The following ARL15 variants were observed in gnomAD, a reference collection of about 807,000 sequenced individuals.
ARL15 encodes ADP-ribosylation factor-like protein 15.
ARL15 carries 19 observed loss-of-function variants against 25.2 expected under a neutral mutation model. The ratio of observed to expected loss-of-function variants is 0.75; its 90% CI spans 0.53 to 1.10. The LOEUF is 1.10. ARL15 is among the 50% of genes least tolerant of loss of function. The pLI, the probability that ARL15 is intolerant of heterozygous loss-of-function variation, is 0.00. For missense variants in ARL15, 220 were observed against 246.0 expected (o/e 0.89, Z 0.71); for synonymous variants, 94 against 86.8 (o/e 1.08, Z -0.46).
chr5:54,069,984 T>TTA (rs1239362561), intron 4 of ARL15, among the ~76,000 whole-genome samples: 1 of 149,294 alleles, frequency 6.7e-6, no homozygotes, highest in African/African-American at 2.4e-5. Context: ...TGGAGGGCTT[T>TTA]TAAGAGGTGT....
At chr5:54,310,363 C>G (rs564723545) in intron 1 of ARL15, 69 bp downstream of exon 1, 1 of 1,535,144 alleles carries the variant, frequency 6.5e-7, no homozygotes, top group South Asian at 1.2e-5. Flanking sequence ...AAGGCTGCTC[C>G]TCAAGGCAGG....
At chr5:54,070,641 C>T (rs892737053) in intron 4 of ARL15, among the ~76,000 whole-genome samples, 3 of 151,748 alleles carry the variant, frequency 2.0e-5, no homozygotes, top group Non-Finnish European at 4.4e-5. Context: ...AGGAGATCAA[C>T]ACCAGCCTGG....
chr5:53,987,475 C>CA (rs1454013393), intron 4 of ARL15, among the ~76,000 whole-genome samples: 1 of 144,220 alleles, frequency 6.9e-6, no homozygotes, highest in African/African-American at 2.5e-5. Context: ...ACCCCTTTCA[C>CA]TTTTTTTTTT....
chr5:53,942,013 G>A (rs538430864), intron 4 of ARL15, among the ~76,000 whole-genome samples: 21 of 152,224 alleles, frequency 1.4e-4, no homozygotes, highest in African/African-American at 4.6e-4. Context: ...AGTATGGGGC[G>A]GGCAGGGGCA....
At chr5:54,160,680 T>C (rs1046921329) in intron 2 of ARL15, among the ~76,000 whole-genome samples, 10 of 152,196 alleles carry the variant, frequency 6.6e-5, no homozygotes, top group African/African-American at 1.9e-4. Context: ...TCTTGGCTCT[T>C]TGAGTTTTGA....
chr5:54,214,283 G>C (rs1254529751), intron 1 of ARL15, among the ~76,000 whole-genome samples: 2 of 152,178 alleles, frequency 1.3e-5, no homozygotes, highest in African/African-American at 4.8e-5. Flanking sequence ...TATCTTTCCA[G>C]TAAAAATTCT....
At chr5:54,029,058 G>T (rs550512385) in intron 4 of ARL15, among the ~76,000 whole-genome samples, 9 of 151,946 alleles carry the variant, frequency 5.9e-5, no homozygotes, top group African/African-American at 2.2e-4. Context: ...AGAATTCATG[G>T]TGTAATTGAG....
intron 1 of ARL15, among the ~76,000 whole-genome samples, chr5:54,178,426 A>G (rs25860): frequency 0.65 from 98,830 of 152,048 alleles, 32,567 homozygotes; most frequent in East Asian, 0.99. Context: ...TGGTCTCGCC[A>G]GACAGAAACA....
At chr5:54,197,394 T>C (rs1323273386) in intron 1 of ARL15, among the ~76,000 whole-genome samples, 1 of 152,184 alleles carries the variant, frequency 6.6e-6, no homozygotes, top group African/African-American at 2.4e-5. Flanking sequence ...GGGAGGGGGA[T>C]GCCCCTACTT....
chr5:53,912,100 T>C (rs1745482989), intron 4 of ARL15: 1 of 152,212 alleles, frequency 6.6e-6, no homozygotes, highest in Middle Eastern at 3.4e-3. Context: ...CCAATTTTAG[T>C]ATATGTGTTG....
chr5:54,062,556 ACT>A (rs1220172132), intron 4 of ARL15, among the ~76,000 whole-genome samples: 2 of 150,768 alleles, frequency 1.3e-5, no homozygotes, highest in Admixed American at 6.6e-5. Flanking sequence ...CCTTGCACAA[ACT>A]CTCTTTTTGC....
chr5:54,282,685 A>G (rs939238808), intron 1 of ARL15: 2 of 489,132 alleles, frequency 4.1e-6, no homozygotes, highest in African/African-American at 4.2e-5. Context: ...TAGCTTTTTA[A>G]GCATTCTTTT....
intron 1 of ARL15, among the ~76,000 whole-genome samples, chr5:54,227,449 G>A (rs140438891): frequency 7.9e-5 from 12 of 152,240 alleles, no homozygotes; most frequent in African/African-American, 2.4e-4. Context: ...TACTATGAGC[G>A]GCTTTTTATC....
At chr5:54,149,540 T>C (rs2112334747) in intron 3 of ARL15, among the ~76,000 whole-genome samples, 1 of 152,310 alleles carries the variant, frequency 6.6e-6, no homozygotes, top group Admixed American at 6.5e-5. Context: ...TAATGTGAGC[T>C]ATAGGCCAAG....
At chr5:54,283,796 C>A (rs1271561609) in intron 1 of ARL15, among the ~76,000 whole-genome samples, 1 of 152,188 alleles carries the variant, frequency 6.6e-6, no homozygotes, top group Non-Finnish European at 1.5e-5. Flanking sequence ...AAAAGATTTA[C>A]CAGCCTTTCT....
chr5:54,272,551 A>C (rs1471453702), intron 1 of ARL15, among the ~76,000 whole-genome samples: 1 of 152,138 alleles, frequency 6.6e-6, no homozygotes, highest in African/African-American at 2.4e-5. Flanking sequence ...GCAAAATTCA[A>C]AGTATTTTAA....
In ARL15 at chr5:54,264,351, T is replaced by C. The variant is rs1268348712; in HGVS notation, c.48+46081A>G. On this transcript the variant is annotated intron_variant, in intron 1 of 4. Transcript: ENST00000504924. ...CCCTTATCACACTGTTCAAACCAAA[T>C]TCATCTCTACAATGACTATAATACT... Among the ~76,000 whole-genome samples the C allele has an allele frequency of 3.3e-5, 5 of 152,192 alleles. No individual in the cohort carries two copies. In the East Asian group the frequency reaches 9.6e-4, roughly 29 times the overall value.
At chr5:54,227,157 A>T (rs933110142) in intron 1 of ARL15, among the ~76,000 whole-genome samples, 1 of 152,224 alleles carries the variant, frequency 6.6e-6, no homozygotes, top group African/African-American at 2.4e-5. Flanking sequence ...TTCAAACAAG[A>T]TGGCAAAGTA....
intron 4 of ARL15, among the ~76,000 whole-genome samples, chr5:54,110,490 G>A (rs889765592): frequency 6.6e-6 from 1 of 151,976 alleles, no homozygotes; most frequent in African/African-American, 2.4e-5. Context: ...CTGAATCAAA[G>A]TTTAGTGCTT....
Sources: allele counts gnomAD v4.1 joint callset (sites outside exome capture counted in the v4.1 genomes callset), GRCh38; gene constraint gnomAD v4.1.1; transcripts MANE v1.5; gene names NCBI Gene and HGNC (gene_info 2026-07-23, HGNC 2026-07-21).